The following DCAF6 variants were observed in gnomAD, a reference collection of about 807,000 sequenced individuals.
The protein encoded by DCAF6 is DDB1- and CUL4-associated factor 6.
DCAF6 carries 54 observed loss-of-function variants against 125.1 expected under a neutral mutation model. The ratio of observed to expected loss-of-function variants is 0.43; its 90% CI spans 0.35 to 0.54. The LOEUF is 0.54. DCAF6 is among the 20% of genes least tolerant of loss of function. DCAF6 has a pLI of 0.01. For missense variants in DCAF6, 934 were observed against 1,161.7 expected, an observed-to-expected ratio of 0.80 and a Z score of 2.85; for synonymous variants, 371 against 390.4, an observed-to-expected ratio of 0.95 and a Z score of 0.58.
At chr1:167,893,563 A>G in the DCAF6 span, among the ~76,000 whole-genome samples, 2 of 151,968 alleles carry the variant, frequency 1.3e-5, no homozygotes, top group South Asian at 2.1e-4. Context: ...AAATACAAAA[A>G]GTTAGCTGGG....
chr1:167,896,707 T>C, the DCAF6 span: 2 of 1,531,636 alleles, frequency 1.3e-6, no homozygotes, highest in African/African-American at 1.4e-5. Context: ...TAAAAGCAAA[T>C]GAGAAGTTTT....
upstream of DCAF6, chr1:167,936,061 C>T (rs1671168793): frequency 1.7e-6 from 1 of 587,776 alleles, no homozygotes; most frequent in Non-Finnish European, 3.1e-6. Flanking sequence ...ACTGCCAGCC[C>T]CCGGTCCGCC....
intron 4 of DCAF6, among the ~76,000 whole-genome samples, chr1:167,980,493 T>C (rs1226867281): frequency 6.6e-6 from 1 of 152,190 alleles, no homozygotes; most frequent in Non-Finnish European, 1.5e-5. Flanking sequence ...TACAATTTTT[T>C]TTTAGTGGGC....
intron 12 of DCAF6, among the ~76,000 whole-genome samples, chr1:168,030,649 TG>T (rs1308998360): frequency 6.6e-6 from 1 of 152,162 alleles, no homozygotes; most frequent in Non-Finnish European, 1.5e-5. Context: ...GGTGGTAGAT[TG>T]AATGACACAG....
chr1:167,975,043 T>C (rs369044688), intron 4 of DCAF6, 28 bp downstream of exon 4: 7 of 1,408,980 alleles, frequency 5.0e-6, no homozygotes, highest in Middle Eastern at 2.0e-4. Flanking sequence ...TTATATGATA[T>C]ATATGTAAGT....
intron 4 of DCAF6, among the ~76,000 whole-genome samples, chr1:167,983,509 C>G (rs1318951581): frequency 4.6e-5 from 7 of 152,112 alleles, no homozygotes; most frequent in Non-Finnish European, 8.8e-5. Context: ...TCAAAGGGGC[C>G]TGTGTGTTTG....
chr1:167,943,724 G>A (rs1018189042), intron 1 of DCAF6, among the ~76,000 whole-genome samples: 2 of 152,054 alleles, frequency 1.3e-5, no homozygotes, highest in Admixed American at 6.6e-5. Context: ...GTGTGAACAC[G>A]TTTGTTTAGA....
rs59674650 is a variant in DCAF6, at chr1:168,072,294, TAAAAA to T, written c.2792-3050_2792-3046del. Among the ~76,000 whole-genome samples, 352 of 40,966 alleles carry T rather than the reference TAAAAA, an allele frequency of 8.6e-3. 1 individual carries two copies. The highest frequency in any genetic ancestry group is 0.028 in the African/African-American group (336 of 12,194). The allele number at this position is 40,966 out of a possible 152,430, so 26.9% of individuals were successfully genotyped here. ...CCTGGTGACAGAGGGAGAATCAGTC[TAAAAA>T]AAAAAAAAAAAAAAAAAAAAAAAAA... On this transcript the variant is annotated intron_variant, in intron 21 of 21. Transcript: ENST00000367840.
At chr1:168,064,760 C>G (rs1010369705) in intron 18 of DCAF6, among the ~76,000 whole-genome samples, 1 of 152,104 alleles carries the variant, frequency 6.6e-6, no homozygotes, top group East Asian at 1.9e-4. Flanking sequence ...TTTGTGAGAG[C>G]ACCAAAAATG....
the DCAF6 span, chr1:167,920,637 C>A: frequency 6.2e-7 from 1 of 1,609,140 alleles, no homozygotes; most frequent in South Asian, 1.1e-5. Context: ...AACCCCTACA[C>A]ATTAACGCAT....
intron 1 of DCAF6, among the ~76,000 whole-genome samples, chr1:167,940,892 A>G (rs760856046): frequency 2.6e-5 from 4 of 152,164 alleles, no homozygotes; most frequent in African/African-American, 4.8e-5. Flanking sequence ...GCCAGTGACA[A>G]TTTTTTAGTG....
Position 167,975,013 on chromosome 1 carries a change from G to T in DCAF6, c.436G>T (p.Glu146Ter). ...TACGTGTCATTATGGAACTACTTAT[G>T]AGGTATGGTATTATTATGATTATAT... ...QFTCHYGTTY[E>*]IMTVPNDPYT... Residue 146 changes from glutamate (E) to a stop codon, truncating the protein, a stop_gained and splice_region_variant, in exon 4 of 22, where the codon GAG becomes TAG. Coordinates refer to ENST00000367840, the MANE Select transcript of DCAF6 (RefSeq NM_001198956.2). LOFTEE classifies it high-confidence loss of function. 6.3e-7 allele frequency: 1 copy of T among 1,584,792 alleles called. No individual in the cohort carries two copies. The highest frequency in any genetic ancestry group is 1.2e-5 in the South Asian group (1 of 84,892).
the DCAF6 span, among the ~76,000 whole-genome samples, chr1:167,896,368 T>C: frequency 3.9e-5 from 6 of 152,168 alleles, no homozygotes; most frequent in East Asian, 1.9e-4. Flanking sequence ...TAATGTTTGA[T>C]GGATGAGGGA....
At chr1:167,905,201 A>C in the DCAF6 span, 3 of 1,577,222 alleles carry the variant, frequency 1.9e-6, no homozygotes. Flanking sequence ...TAGGTCTTCT[A>C]AAAAGAAAAT....
chr1:167,936,147 C>T, upstream of DCAF6: 1 of 349,140 alleles, frequency 2.9e-6, no homozygotes. Context: ...GTCTGCGCTG[C>T]GCCCTGCTGG....
rs778552117 is a variant in DCAF6 at position 168,068,457 on chromosome 1, C to T, written c.2785C>T (p.Arg929Ter). ...GATGTTGGCTTCACTTAATCATATC[C>T]GAGCTGGTAGGAACTTTAAGTATAC... ...LRMLASLNHIRADRLEGDRSE... is the reference protein window; with the variant it reads ...LRMLASLNHI The change falls in exon 21 of 22, where the codon CGA (arginine) becomes TGA (stop). Residue 929 changes from arginine to a stop codon, truncating the protein, a stop_gained. Transcript: ENST00000367840. LOFTEE classifies it high-confidence loss of function. 4.7e-6 allele frequency: 7 copies of T among 1,497,060 alleles called. No individual in the cohort carries two copies. Among genetic ancestry groups the T allele is most frequent in the Non-Finnish European group, 6.3e-6 (7 of 1,117,722 alleles). 92.7% of individuals were successfully genotyped at this position (1,497,060 alleles called of 1,614,324 possible). A position where few individuals can be genotyped will look rare whatever the true frequency, so the allele number is the denominator to read the frequency against.
intron 2 of DCAF6, among the ~76,000 whole-genome samples, chr1:167,957,151 T>C (rs1445840281): frequency 6.6e-6 from 1 of 152,140 alleles, no homozygotes; most frequent in African/African-American, 2.4e-5. Context: ...TGACGCATCT[T>C]AAGTGTTCAA....
upstream of DCAF6, chr1:167,935,673 G>T: frequency 7.0e-7 from 1 of 1,433,340 alleles, no homozygotes; most frequent in Non-Finnish European, 9.6e-7. Context: ...CCTCTAAAAG[G>T]TCCATTTTAG....
chr1:167,932,505 C>T (rs1292353433), upstream of DCAF6, among the ~76,000 whole-genome samples: 1 of 152,006 alleles, frequency 6.6e-6, no homozygotes, highest in African/African-American at 2.4e-5. Flanking sequence ...TTTTCCTTAA[C>T]TAAGCTTTTA....
Sources: gnomAD v4.1 joint callset for allele counts (sites outside exome capture counted in the v4.1 genomes callset) on GRCh38, gnomAD v4.1.1 for gene constraint, MANE v1.5 for transcripts, NCBI Gene and HGNC (gene_info 2026-07-23, HGNC 2026-07-21) for gene names.